Variants in KCNT2 observed in about 807,000 individuals in gnomAD.
KCNT2 encodes the protein potassium channel subfamily T member 2.
In KCNT2, 67 loss-of-function variants were observed where a neutral mutation model predicts 153.8. The ratio of observed to expected loss-of-function variants is 0.44; its 90% CI spans 0.36 to 0.53. The LOEUF (loss-of-function observed/expected upper bound fraction) is 0.53, where lower values mean the gene tolerates loss of function less well. KCNT2 is among the 20% of genes least tolerant of loss of function. The pLI is 0.00. For missense variants in KCNT2, 975 were observed against 1,354.8 expected (o/e 0.72, Z 4.40); for synonymous variants, 500 against 458.8 (o/e 1.09, Z -1.15).
At chr1:196,265,164 T>TGG (rs1657419300) in intron 25 of KCNT2, among the ~76,000 whole-genome samples, 1 of 152,156 alleles carries the variant, frequency 6.6e-6, no homozygotes. Flanking sequence ...AAGGTAGTCT[T>TGG]AACAACTGGC....
At chr1:196,390,411 T>A (rs562809982) in intron 13 of KCNT2, among the ~76,000 whole-genome samples, 2 of 151,650 alleles carry the variant, frequency 1.3e-5, no homozygotes, top group South Asian at 4.1e-4. Flanking sequence ...AAAGATAAAA[T>A]GATTTTCTCA....
At chr1:196,244,920 G>A (rs774116544) in intron 26 of KCNT2, among the ~76,000 whole-genome samples, 2 of 152,134 alleles carry the variant, frequency 1.3e-5, no homozygotes, top group Non-Finnish European at 2.9e-5. Context: ...TTGGCTTCAG[G>A]TCTGACCCAT....
At chr1:196,265,815 C>T (rs1410884610) in intron 25 of KCNT2, among the ~76,000 whole-genome samples, 1 of 152,160 alleles carries the variant, frequency 6.6e-6, no homozygotes, top group Admixed American at 6.5e-5. Flanking sequence ...AAACATGGGA[C>T]TCTGTGGCAT....
Position 196,465,316 on chromosome 1 carries a change from T to C in KCNT2, c.615A>G (p.Thr205=), listed in dbSNP as rs1227411626. The change falls in exon 8 of 28, where the codon ACA becomes ACG. Residue 205 remains threonine (T), a synonymous_variant. Transcript: ENST00000294725. Reference sequence around the variant, plus strand: ...ACCAGGTGAAGATAAGGCATAGTAATGTAGATATTAAAATCAAAACTTGAT... The same window carrying C: ...ACCAGGTGAAGATAAGGCATAGTAACGTAGATATTAAAATCAAAACTTGAT... ...MFNQVLILIS[T]LLCLIFTCIC... is the part of the protein sequence containing the mutation. The C allele has an allele frequency of 7.6e-6, 12 of 1,586,306 alleles. No homozygotes were observed. The highest frequency in any genetic ancestry group is 1.3e-5 in the African/African-American group (1 of 74,298).
intron 25 of KCNT2, among the ~76,000 whole-genome samples, chr1:196,263,864 T>G (rs185633499): frequency 6.6e-6 from 1 of 152,214 alleles, no homozygotes; most frequent in Admixed American, 6.5e-5. Flanking sequence ...TTCCATCTCC[T>G]TTTTATGATA....
chr1:196,277,535 T>G (rs988979682), intron 25 of KCNT2, among the ~76,000 whole-genome samples: 3 of 152,134 alleles, frequency 2.0e-5, no homozygotes, highest in Non-Finnish European at 4.4e-5. Flanking sequence ...ACCTTTAATA[T>G]GTGTTTATAT....
At chr1:196,305,416 G>A (rs1043414374) in intron 21 of KCNT2, 71 bp from the exon 22 acceptor site, 3 of 811,918 alleles carry the variant, frequency 3.7e-6, no homozygotes, top group Non-Finnish European at 6.3e-6. Context: ...ACATATTTAT[G>A]AGTGAGTGAT....
intron 18 of KCNT2, among the ~76,000 whole-genome samples, chr1:196,329,114 T>C (rs1664183200): frequency 6.6e-6 from 1 of 152,088 alleles, no homozygotes; most frequent in South Asian, 2.1e-4. Context: ...AATTTAGTGT[T>C]CATGAACACT....
chr1:196,297,821 T>A (rs907134931), intron 22 of KCNT2, among the ~76,000 whole-genome samples: 13 of 152,190 alleles, frequency 8.5e-5, no homozygotes, highest in Admixed American at 2.6e-4. Flanking sequence ...ACAGAAAAAA[T>A]TAGTAGGACA....
Position 196,316,018 on chromosome 1 carries a change from T to A in KCNT2, c.2357A>T (p.Asp786Val). The A allele has an allele frequency of 6.2e-7, 1 of 1,609,170 alleles. No homozygotes were observed. The highest frequency in any genetic ancestry group is 8.5e-7 in the Non-Finnish European group (1 of 1,177,224). ...AAAAGTCACTCCACACCTGAGTAAG[T>A]CATCTAGGCTTTGATAAAAATCAAC... ...YMVGSIDNLDDLLRCGVTFAA... is the reference protein window; with the variant it reads ...YMVGSIDNLDVLLRCGVTFAA... Residue 786 changes from aspartate (D) to valine (V), a missense_variant, in exon 21 of 28, where the codon GAC (aspartate) becomes GTC (valine). Transcript: ENST00000294725.
At chr1:196,423,991 C>T (rs920692012) in intron 11 of KCNT2, among the ~76,000 whole-genome samples, 4 of 151,732 alleles carry the variant, frequency 2.6e-5, no homozygotes, top group African/African-American at 9.7e-5. Context: ...TATTAAATCC[C>T]AAATATTTTA....
chr1:196,408,587 A>G (rs1428796052), intron 12 of KCNT2, among the ~76,000 whole-genome samples: 1 of 151,610 alleles, frequency 6.6e-6, no homozygotes, highest in Non-Finnish European at 1.5e-5. Context: ...TGCATTCCAT[A>G]CAATTTAATG....
At chr1:196,518,868 T>G (rs1652964451) in intron 1 of KCNT2, among the ~76,000 whole-genome samples, 1 of 151,998 alleles carries the variant, frequency 6.6e-6, no homozygotes, top group Admixed American at 6.6e-5. Context: ...CCAATGACAG[T>G]CTTAGAGAGA....
At chr1:196,313,515 T>C (rs1430025048) in intron 21 of KCNT2, among the ~76,000 whole-genome samples, 2 of 151,538 alleles carry the variant, frequency 1.3e-5, no homozygotes, top group African/African-American at 2.4e-5. Flanking sequence ...ATTAACCACA[T>C]CTGTAAAATG....
intron 1 of KCNT2, among the ~76,000 whole-genome samples, chr1:196,605,013 C>T (rs1665156884): frequency 6.6e-6 from 1 of 152,180 alleles, no homozygotes; most frequent in Non-Finnish European, 1.5e-5. Context: ...AATATTATGT[C>T]TTTAACAACA....
At chr1:196,355,643 G>A (rs1429212260) in intron 14 of KCNT2, among the ~76,000 whole-genome samples, 3 of 151,586 alleles carry the variant, frequency 2.0e-5, no homozygotes, top group Non-Finnish European at 3.0e-5. Context: ...AACTCTCAAC[G>A]GGTTTTTTGA....
At chr1:196,355,498 A>T (rs1667103006) in intron 14 of KCNT2, among the ~76,000 whole-genome samples, 1 of 151,788 alleles carries the variant, frequency 6.6e-6, no homozygotes, top group African/African-American at 2.4e-5. Context: ...CAGTGATCAT[A>T]AACAATGAAC....
chr1:196,460,794 A>G (rs1456834610), intron 8 of KCNT2, among the ~76,000 whole-genome samples: 1 of 151,746 alleles, frequency 6.6e-6, no homozygotes, highest in East Asian at 1.9e-4. Context: ...AATTATGCAG[A>G]TTATATTGAA....
chr1:196,322,354 A>G (rs1663406096), intron 19 of KCNT2, among the ~76,000 whole-genome samples: 1 of 151,906 alleles, frequency 6.6e-6, no homozygotes, highest in Admixed American at 6.6e-5. Context: ...TAAAAAGGTA[A>G]ACATGACAAA....
Sources: allele counts gnomAD v4.1 joint callset (sites outside exome capture counted in the v4.1 genomes callset), GRCh38; gene constraint gnomAD v4.1.1; transcripts MANE v1.5; gene names NCBI Gene and HGNC (gene_info 2026-07-23, HGNC 2026-07-21).